The following THAP4 variants were observed in gnomAD, a reference collection of about 807,000 sequenced individuals.
The protein encoded by THAP4 is peroxynitrite isomerase THAP4.
THAP4 carries 18 observed loss-of-function variants against 48.1 expected under a neutral mutation model. The ratio of observed to expected loss-of-function variants is 0.37; its 90% confidence interval spans 0.26 to 0.56. The LOEUF is 0.56. THAP4 is among the 20% of genes least tolerant of loss of function. THAP4 has a pLI of 0.78. For synonymous variants in THAP4, 345 were observed against 324.9 expected (o/e 1.06, Z -0.66); for missense variants, 656 against 774.9 (o/e 0.85, Z 1.82).
chr2:241,604,629 C>T (rs776267828), intron 3 of THAP4, among the ~76,000 whole-genome samples: 15 of 152,002 alleles, frequency 9.9e-5, no homozygotes, highest in East Asian at 1.9e-4. Context: ...AGGCTGGTCT[C>T]GAACTCTTGA....
chr2:241,628,867 G>A (rs1391130495), intron 2 of THAP4, among the ~76,000 whole-genome samples: 1 of 150,018 alleles, frequency 6.7e-6, no homozygotes, highest in South Asian at 2.1e-4. Flanking sequence ...TGGAGCCCAG[G>A]GGGTCGTGGC....
At chr2:241,602,948 C>A (rs774983461) in intron 4 of THAP4, 22 bp downstream of exon 4, 1 of 1,586,224 alleles carries the variant, frequency 6.3e-7, no homozygotes. Flanking sequence ...CCAGCCCTCC[C>A]GCCCCGCAAG....
At position 241,598,230 on chromosome 2, in the gene THAP4, T is replaced by C. The variant is rs181931123; in HGVS notation, c.1614+3666A>G. On this transcript the variant is annotated intron_variant, in intron 5 of 5. Coordinates refer to ENST00000407315, the MANE Select transcript of THAP4 (RefSeq NM_015963.6). ...AGAGACAAGCAGTCACGGAACAAAG[T>C]AAAAGCACAGCTTAGGTCTGGTTAC... 9.2e-5 allele frequency among the ~76,000 whole-genome samples: 14 copies of C among 152,288 alleles called. 1 individual carries two copies. In the East Asian group the frequency reaches 2.7e-3, roughly 29 times the overall value.
In THAP4 at chr2:241,612,334, G is replaced by A. The variant is rs1044587176; in HGVS notation, c.1241-5861C>T. On this transcript the variant is annotated intron_variant, in intron 2 of 5. Transcript: ENST00000407315. The surrounding 1 kb of genome is among the most constrained non-coding windows in gnomAD (Gnocchi z 4.1). ...CGCCTGGCACACTGCTGATGGGGAC[G>A]TGAACTGGCACAGCCTAGTGAAGAC... Among the ~76,000 whole-genome samples the A allele has an allele frequency of 3.9e-5, 6 of 152,200 alleles. No homozygotes were observed. Among genetic ancestry groups the A allele is most frequent in the African/African-American group, 7.2e-5 (3 of 41,450 alleles).
chr2:241,617,432 C>G (rs1354931812), intron 2 of THAP4: 17 of 1,551,428 alleles, frequency 1.1e-5, no homozygotes, highest in Non-Finnish European at 1.5e-5. Context: ...GTTTTCTAAA[C>G]TCCGGACACT....
Position 241,633,550 on chromosome 2 carries a change from T to A in THAP4, c.607A>T (p.Thr203Ser), listed in dbSNP as rs563282314. 1 of 1,613,970 alleles carries A rather than the reference T, an allele frequency of 6.2e-7. No homozygotes were observed. Among genetic ancestry groups the A allele is most frequent in the East Asian group, 2.2e-5 (1 of 44,876 alleles). Residue 203 changes from threonine (T) to serine (S), a missense_variant, in exon 2 of 6, where the codon ACT (threonine) becomes TCT (serine). Physicochemically the swap from Thr to Ser is moderately conservative, Grantham distance 58. Coordinates refer to ENST00000407315, the MANE Select transcript of THAP4 (RefSeq NM_015963.6). The surrounding 1 kb of genome is among the most constrained non-coding windows in gnomAD (Gnocchi z 7.5). ...SATDAGDESA[T>S]SSIEGGVTDK... ...GTCACGCCCCCTTCGATGGAGGAAGTGGCGCTCTCATCGCCAGCATCTGTG... is the reference window on the plus strand; with the variant it reads ...GTCACGCCCCCTTCGATGGAGGAAGAGGCGCTCTCATCGCCAGCATCTGTG...
chr2:241,593,976 C>G (rs866800577), intron 5 of THAP4, among the ~76,000 whole-genome samples: 1 of 152,150 alleles, frequency 6.6e-6, no homozygotes, highest in Non-Finnish European at 1.5e-5. Context: ...TGAGCCACCA[C>G]GCGAGGCACA....
chr2:241,600,193 C>T (rs560652244), intron 5 of THAP4, among the ~76,000 whole-genome samples: 2 of 151,774 alleles, frequency 1.3e-5, no homozygotes, highest in African/African-American at 4.8e-5. Flanking sequence ...AAGACTCCTT[C>T]TCAAAAAAAG....
intron 1 of THAP4, 98 bp downstream of exon 1, chr2:241,636,843 C>T: frequency 1.4e-6 from 1 of 694,844 alleles, no homozygotes; most frequent in Non-Finnish European, 1.8e-6. Flanking sequence ...CGCCGAGGCC[C>T]GGCGCCCCCG....
intron 5 of THAP4, among the ~76,000 whole-genome samples, chr2:241,588,403 A>C (rs1360916648): frequency 3.9e-5 from 6 of 152,220 alleles, no homozygotes; most frequent in Admixed American, 3.9e-4. Flanking sequence ...TCCAATGAAA[A>C]TGTTTCTAGA....
chr2:241,637,403 C>T (rs1361339808), upstream of THAP4: 5 of 1,440,218 alleles, frequency 3.5e-6, no homozygotes, highest in East Asian at 3.2e-5. Context: ...TCGCCTCTGC[C>T]GCCTCGACAA....
chr2:241,584,922 C>A (rs2066874462), intron 5 of THAP4, 197 bp from the exon 6 acceptor site: 1 of 644,532 alleles, frequency 1.6e-6, no homozygotes. Flanking sequence ...CTCCAGAAGA[C>A]CACCAGGGGA....
intron 2 of THAP4, among the ~76,000 whole-genome samples, chr2:241,624,853 T>A (rs567850952): frequency 2.0e-5 from 3 of 152,246 alleles, no homozygotes; most frequent in African/African-American, 7.2e-5. Context: ...AGGAGCTCTG[T>A]ATGACGAACA....
intron 5 of THAP4, among the ~76,000 whole-genome samples, chr2:241,595,363 T>G (rs895253126): frequency 1.3e-5 from 2 of 151,668 alleles, no homozygotes; most frequent in Non-Finnish European, 2.9e-5. Context: ...GACAGCCGGG[T>G]GCAGTGGCTC....
rs150923535 is a variant in THAP4, at chr2:241,586,243, C to T, written c.1615-1518G>A. On this transcript the variant is annotated intron_variant, in intron 5 of 5. Coordinates refer to ENST00000407315, the MANE Select transcript of THAP4 (RefSeq NM_015963.6). ...CTGCACTCCAGCCTGAGCAACAGAG[C>T]GAGACTCCATCTGAAGAGGAAAAAA... 9.9e-3 allele frequency among the ~76,000 whole-genome samples: 1,295 copies of T among 131,228 alleles called. 21 individuals are homozygous for T. Among genetic ancestry groups the T allele is most frequent in the African/African-American group, 0.036 (1,233 of 34,104 alleles). 86.1% of individuals were successfully genotyped at this position (131,228 alleles called of 152,430 possible). A position where few individuals can be genotyped will look rare whatever the true frequency, so the allele number is the denominator to read the frequency against.
chr2:241,606,598 G>T, intron 2 of THAP4, 125 bp from the exon 3 acceptor site: 1 of 923,752 alleles, frequency 1.1e-6, no homozygotes, highest in Non-Finnish European at 1.5e-6. Context: ...TGGGGGACCT[G>T]TCAAGAGCGG....
intron 5 of THAP4, among the ~76,000 whole-genome samples, chr2:241,597,724 T>G (rs1178342575): frequency 2.0e-5 from 3 of 152,184 alleles, no homozygotes; most frequent in Non-Finnish European, 4.4e-5. Context: ...TCAGTCCTGC[T>G]GATGTCAACC....
intron 2 of THAP4, among the ~76,000 whole-genome samples, chr2:241,624,890 A>T (rs2067478569): frequency 6.6e-6 from 1 of 152,188 alleles, no homozygotes; most frequent in Non-Finnish European, 1.5e-5. Context: ...TGAGAACGGA[A>T]GGTGGTCGGA....
intron 2 of THAP4, among the ~76,000 whole-genome samples, chr2:241,624,361 C>A (rs2067469879): frequency 6.6e-6 from 1 of 152,154 alleles, no homozygotes; most frequent in Admixed American, 6.5e-5. Flanking sequence ...GTGGCGCGTG[C>A]CTGTACTCCC....
Sources: allele counts gnomAD v4.1 joint callset (sites outside exome capture counted in the v4.1 genomes callset), GRCh38; gene constraint gnomAD v4.1.1; non-coding constraint Gnocchi (gnomAD v3.1); transcripts MANE v1.5; gene names NCBI Gene and HGNC (gene_info 2026-07-23, HGNC 2026-07-21).